The following TMED5 variants were observed in gnomAD, a reference collection of about 807,000 sequenced individuals.
TMED5 encodes the protein transmembrane emp24 domain-containing protein 5.
In TMED5, 27 loss-of-function variants were observed where a neutral mutation model predicts 23.0. The ratio of observed to expected loss-of-function variants is 1.17; its 90% CI spans 0.86 to 1.62. The LOEUF is 1.62. Ranked by LOEUF, TMED5 falls within the 40% of genes most tolerant of loss-of-function variation. The pLI, the probability that TMED5 is intolerant of heterozygous loss-of-function variation, is 0.00. For missense variants in TMED5, 248 were observed against 273.7 expected, an observed-to-expected ratio of 0.91 and a Z score of 0.66; for synonymous variants, 97 against 100.8, an observed-to-expected ratio of 0.96 and a Z score of 0.23.
At chr1:93,155,374 CAT>C (rs1215309762) in intron 3 of TMED5, among the ~76,000 whole-genome samples, 2 of 152,008 alleles carry the variant, frequency 1.3e-5, no homozygotes, top group African/African-American at 4.8e-5. Flanking sequence ...GTTCTCCTGA[CAT>C]ATTTATATTG....
At chr1:93,178,973 T>C (rs906175046) in intron 1 of TMED5, among the ~76,000 whole-genome samples, 5 of 152,220 alleles carry the variant, frequency 3.3e-5, no homozygotes, top group African/African-American at 1.2e-4. Flanking sequence ...CGGAATTTGC[T>C]GTGGAACGAA....
Position 93,180,212 on chromosome 1 carries a change from CGGGGAA to C in TMED5, c.25_30del (p.Phe9_Pro10del). On this transcript the variant is annotated inframe_deletion, in exon 1 of 4. Coordinates refer to ENST00000370282, the MANE Select transcript of TMED5 (RefSeq NM_016040.5). ...GGAGGCAGAGCGGCCAGAAGGAGCACGGGGAAGGGCAGCCAGATCTTGTCGCCCATC... is the reference window on the plus strand; with the variant it reads ...GGAGGCAGAGCGGCCAGAAGGAGCACGGGCAGCCAGATCTTGTCGCCCATC... 1 of 1,612,608 alleles carries C rather than the reference CGGGGAA, an allele frequency of 6.2e-7. No homozygotes were observed. The highest frequency in any genetic ancestry group is 8.5e-7 in the Non-Finnish European group (1 of 1,179,582).
At chr1:93,169,605 A>AAT (rs397980839) in intron 1 of TMED5, among the ~76,000 whole-genome samples, 2 of 151,290 alleles carry the variant, frequency 1.3e-5, no homozygotes, top group Non-Finnish European at 2.9e-5. Flanking sequence ...AAAAAAAAAA[A>AAT]TCAATGAAGC....
chr1:93,176,901 A>C (rs777598392), intron 1 of TMED5, among the ~76,000 whole-genome samples: 1 of 152,236 alleles, frequency 6.6e-6, no homozygotes, highest in Non-Finnish European at 1.5e-5. Context: ...CGCAAGAATG[A>C]CTTAAATTTC....
chr1:93,172,478 GA>G (rs1431989456), intron 1 of TMED5, among the ~76,000 whole-genome samples: 1 of 151,724 alleles, frequency 6.6e-6, no homozygotes, highest in Non-Finnish European at 1.5e-5. Context: ...GAAAAAAAAA[GA>G]AAAAAAGAAT....
chr1:93,165,569 T>A (rs1432361206), intron 1 of TMED5, among the ~76,000 whole-genome samples: 1 of 152,174 alleles, frequency 6.6e-6, no homozygotes, highest in African/African-American at 2.4e-5. Flanking sequence ...AAATTTTAAT[T>A]TGTGTGGGTA....
At chr1:93,176,508 T>TACACACACAC (rs34446908) in intron 1 of TMED5, among the ~76,000 whole-genome samples, 8 of 150,054 alleles carry the variant, frequency 5.3e-5, no homozygotes, top group African/African-American at 2.0e-4. Context: ...GCACAGACTA[T>TACACACACAC]ACACACACAC....
intron 1 of TMED5, among the ~76,000 whole-genome samples, chr1:93,179,702 T>C (rs151271275): frequency 3.3e-5 from 5 of 152,368 alleles, no homozygotes; most frequent in African/African-American, 1.2e-4. Flanking sequence ...GTATCAGTTC[T>C]GCATTGTGAA....
At chr1:93,170,275 C>T (rs886233250) in intron 1 of TMED5, among the ~76,000 whole-genome samples, 3 of 152,148 alleles carry the variant, frequency 2.0e-5, no homozygotes, top group Admixed American at 6.5e-5. Flanking sequence ...GAGGGAGAGG[C>T]GCGGGTGGGA....
chr1:93,154,805 T>C lies in TMED5; in HGVS notation c.555A>G (p.Arg185=). ...TLLRAFEARD[R]NIQESNFDRV... is the part of the protein sequence containing the mutation. ...TATCAAAGTTGCTTTCTTGTATGTT[T>C]CGATCACGAGCTTCAAATGCTCTAA... The change falls in exon 4 of 4, where the codon CGA becomes CGG. Residue 185 remains arginine (R), a synonymous_variant. Coordinates refer to ENST00000370282, the MANE Select transcript of TMED5 (RefSeq NM_016040.5). The C allele has an allele frequency of 6.2e-7, 1 of 1,614,150 alleles. No individual in the cohort carries two copies. The highest frequency in any genetic ancestry group is 8.5e-7 in the Non-Finnish European group (1 of 1,180,000).
intron 2 of TMED5, 73 bp from the exon 3 acceptor site, chr1:93,156,556 A>G (rs925753112): frequency 8.0e-7 from 1 of 1,251,536 alleles, no homozygotes; most frequent in African/African-American, 1.5e-5. Context: ...AAAGGTAAAA[A>G]TAAGAAGTAA....
intron 1 of TMED5, among the ~76,000 whole-genome samples, chr1:93,176,829 C>A (rs1280854845): frequency 2.0e-5 from 3 of 152,224 alleles, no homozygotes; most frequent in Non-Finnish European, 2.9e-5. Flanking sequence ...CTGCACCTAG[C>A]TGATATTTTC....
chr1:93,157,103 G>A (rs1571270817), intron 2 of TMED5, among the ~76,000 whole-genome samples: 3 of 152,056 alleles, frequency 2.0e-5, no homozygotes, highest in Admixed American at 6.6e-5. Context: ...TTTATCATGA[G>A]TTCAATTCAT....
rs1383591249 is a variant in TMED5, at chr1:93,153,749, C to CA, written c.*920dup. ...CAGATCATTTTAGCAATATTTCCTT[C>CA]ATAACTGCTGGTAATAATGAATTAT... On this transcript the variant is annotated 3_prime_UTR_variant, in exon 4 of 4. Coordinates refer to ENST00000370282, the MANE Select transcript of TMED5 (RefSeq NM_016040.5). The CA allele has an allele frequency of 6.6e-6, 1 of 152,116 alleles. No homozygotes were observed. The highest frequency in any genetic ancestry group is 1.5e-5 in the Non-Finnish European group (1 of 67,974). The allele number at this position is 152,116 out of a possible 1,614,324, so 9.4% of individuals were successfully genotyped here.
At chr1:93,171,363 G>T (rs1648728969) in intron 1 of TMED5, among the ~76,000 whole-genome samples, 1 of 152,182 alleles carries the variant, frequency 6.6e-6, no homozygotes. Context: ...GCGAGGGTCC[G>T]CGGCTTCATT....
chr1:93,152,111 A>T lies in TMED5; in HGVS notation c.*2559T>A, dbSNP rs1466405297. 1 of 152,628 alleles carries T rather than the reference A, an allele frequency of 6.6e-6. No homozygotes were observed. Among genetic ancestry groups the T allele is most frequent in the African/African-American group, 2.4e-5 (1 of 41,458 alleles). 9.5% of individuals were successfully genotyped at this position (152,628 alleles called of 1,614,324 possible). The stretch of plus-strand genomic sequence containing the variant: ...ATGTGTAAGAAGGATTAATTTTACC[A>T]TAAAATTACAAACACCCTCCATGTC... On this transcript the variant is annotated 3_prime_UTR_variant, in exon 4 of 4. Coordinates refer to ENST00000370282, the MANE Select transcript of TMED5 (RefSeq NM_016040.5).
At chr1:93,165,915 A>ACTCTTCCCAGCCTTCCG (rs1648487219) in intron 1 of TMED5, among the ~76,000 whole-genome samples, 1 of 151,946 alleles carries the variant, frequency 6.6e-6, no homozygotes, top group Admixed American at 6.6e-5. Context: ...CCAGCCTCCC[A>ACTCTTCCCAGCCTTCCG]CTACTCTTCC....
rs758206957 is a variant in TMED5 at position 93,154,659 on chromosome 1, A to G, written c.*11T>C. ...CTCATTTTTCAATGTTACGTACTCT[A>G]GTTTGGAGTTTTAAGTTCTACTTTT... On this transcript the variant is annotated 3_prime_UTR_variant, in exon 4 of 4. Transcript: ENST00000370282. The G allele has an allele frequency of 6.3e-7, 1 of 1,595,348 alleles. No homozygotes were observed. The highest frequency in any genetic ancestry group is 1.7e-4 in the Middle Eastern group (1 of 6,032).
Position 93,154,783 on chromosome 1 carries a change from C to T in TMED5, c.577G>A (p.Asp193Asn), listed in dbSNP as rs968815430. The change falls in exon 4 of 4, where the codon GAT becomes AAT. Residue 193 changes from aspartate to asparagine, a missense_variant. Transcript: ENST00000370282. ...ACCATAGACCAGAAATTGACTCTAT[C>T]AAAGTTGCTTTCTTGTATGTTTCGA... ...RDRNIQESNF[D>N]RVNFWSMVNL... 4.3e-6 allele frequency: 7 copies of T among 1,614,014 alleles called. No homozygotes were observed. The Admixed American group carries it at 1.0e-4, about 23-fold the overall frequency.
Sources: allele counts gnomAD v4.1 joint callset (sites outside exome capture counted in the v4.1 genomes callset), GRCh38; gene constraint gnomAD v4.1.1; transcripts MANE v1.5; gene names NCBI Gene and HGNC (gene_info 2026-07-23, HGNC 2026-07-21).